Variants in CEMIP observed in about 807,000 individuals in gnomAD.
CEMIP encodes cell migration-inducing and hyaluronan-binding protein.
CEMIP carries 105 observed loss-of-function variants against 156.9 expected under a neutral mutation model. The observed-to-expected ratio is 0.67, with a 90% confidence interval of 0.57 to 0.79. The LOEUF is 0.79. Among genes scored for constraint, CEMIP ranks in the 30% least tolerant of loss-of-function variants. The pLI, the probability that CEMIP is intolerant of heterozygous loss-of-function variation, is 0.00. For missense variants in CEMIP, 1,457 were observed against 1,769.4 expected (o/e 0.82, Z 3.17); for synonymous variants, 676 against 668.4 (o/e 1.01, Z -0.17).
chr15:80,832,232 T>C (rs1391889295), intron 1 of CEMIP, among the ~76,000 whole-genome samples: 1 of 152,184 alleles, frequency 6.6e-6, no homozygotes, highest in African/African-American at 2.4e-5. Flanking sequence ...CAGCCATGGC[T>C]AAAAGTAATT....
At chr15:80,848,227 G>A (rs117453961) in intron 1 of CEMIP, among the ~76,000 whole-genome samples, 3,793 of 152,240 alleles carry the variant, frequency 0.025, 92 homozygotes, top group Middle Eastern at 0.089. Flanking sequence ...TCCACAAGCC[G>A]CATGGACTCC....
chr15:80,835,593 C>T (rs567227350), intron 1 of CEMIP, among the ~76,000 whole-genome samples: 1 of 152,360 alleles, frequency 6.6e-6, no homozygotes, highest in African/African-American at 2.4e-5. Context: ...GCCTGTCTTT[C>T]CGTAGTCTGC....
chr15:80,911,528 CA>C (rs1900051834), intron 14 of CEMIP, among the ~76,000 whole-genome samples: 1 of 118 alleles, frequency 8.5e-3, no homozygotes, highest in Non-Finnish European at 0.036. Flanking sequence ...GAAAATACAC[CA>C]CACACACACA....
At chr15:80,860,025 G>A (rs1353690074) in intron 1 of CEMIP, among the ~76,000 whole-genome samples, 7 of 151,894 alleles carry the variant, frequency 4.6e-5, no homozygotes, top group East Asian at 1.9e-4. Context: ...AGGCACACAC[G>A]CACACACACA....
At chr15:80,909,016 C>T in intron 13 of CEMIP, 81 bp from the exon 14 acceptor site, 2 of 1,297,412 alleles carry the variant, frequency 1.5e-6, no homozygotes, top group Non-Finnish European at 2.2e-6. Flanking sequence ...AATGCCTCTG[C>T]ATCTTTGGAA....
At chr15:80,877,298 T>G (rs565191674) in intron 3 of CEMIP, among the ~76,000 whole-genome samples, 1 of 152,286 alleles carries the variant, frequency 6.6e-6, no homozygotes, top group Non-Finnish European at 1.5e-5. Context: ...GACACCTTCT[T>G]TGCTCAAGAG....
intron 19 of CEMIP, among the ~76,000 whole-genome samples, chr15:80,927,397 AG>A (rs1265165230): frequency 1.3e-5 from 2 of 152,144 alleles, no homozygotes; most frequent in Non-Finnish European, 2.9e-5. Flanking sequence ...CATCCTTGGG[AG>A]GGGCACTACA....
intron 25 of CEMIP, chr15:80,938,235 A>G (rs1042574935): frequency 4.4e-6 from 2 of 456,634 alleles, no homozygotes; most frequent in Admixed American, 3.6e-5. Context: ...AGAAAAAAAA[A>G]AGTGAAGGCA....
At chr15:80,786,312 C>T (rs1016494510) in intron 1 of CEMIP, among the ~76,000 whole-genome samples, 5 of 152,276 alleles carry the variant, frequency 3.3e-5, no homozygotes, top group Middle Eastern at 6.8e-3. Context: ...ACACAGTTCC[C>T]TGCAGCCCCA....
chr15:80,833,051 C>T (rs1357322126), intron 1 of CEMIP, among the ~76,000 whole-genome samples: 5 of 152,096 alleles, frequency 3.3e-5, no homozygotes, highest in Admixed American at 2.0e-4. Flanking sequence ...TTTTTCTAAA[C>T]GACTCTTGGA....
At chr15:80,832,775 T>G (rs1897184265) in intron 1 of CEMIP, among the ~76,000 whole-genome samples, 1 of 152,234 alleles carries the variant, frequency 6.6e-6, no homozygotes, top group Admixed American at 6.5e-5. Flanking sequence ...CTCAGTGATT[T>G]TAAAGAACAG....
intron 28 of CEMIP, chr15:80,946,490 C>T (rs1173599367): frequency 5.7e-6 from 1 of 174,150 alleles, no homozygotes; most frequent in Non-Finnish European, 1.2e-5. Context: ...TATGATTTGA[C>T]AGATGCTCCC....
At chr15:80,883,196 T>C (rs1280870167) in intron 6 of CEMIP, among the ~76,000 whole-genome samples, 1 of 152,202 alleles carries the variant, frequency 6.6e-6, no homozygotes, top group Non-Finnish European at 1.5e-5. Flanking sequence ...ATTTCTACTG[T>C]AATTGCATAA....
At chr15:80,876,382 C>T (rs1353657960) in intron 3 of CEMIP, among the ~76,000 whole-genome samples, 2 of 152,228 alleles carry the variant, frequency 1.3e-5, no homozygotes, top group African/African-American at 2.4e-5. Context: ...CGACTCTGCT[C>T]TTACGTTAAA....
intron 1 of CEMIP, among the ~76,000 whole-genome samples, chr15:80,845,938 G>C (rs1461965374): frequency 6.6e-6 from 1 of 152,140 alleles, no homozygotes; most frequent in African/African-American, 2.4e-5. Context: ...GACTCCTCCT[G>C]ACACACCCAC....
At chr15:80,948,454 C>G (rs1901660484) in intron 29 of CEMIP, 2 of 373,100 alleles carry the variant, frequency 5.4e-6, no homozygotes, top group Admixed American at 3.7e-5. Flanking sequence ...CAGGGACTTG[C>G]TGGTTGTCCT....
chr15:80,865,284 C>T (rs1049819858), intron 1 of CEMIP, among the ~76,000 whole-genome samples: 8 of 152,214 alleles, frequency 5.3e-5, no homozygotes, highest in Admixed American at 4.6e-4. Context: ...CGGGTTCAAG[C>T]GATTTTCCTG....
rs779935139 is a variant in CEMIP at position 80,880,974 on chromosome 15, A to T, written c.455A>T (p.Glu152Val). 2 of 1,614,198 alleles carry T rather than the reference A, an allele frequency of 1.2e-6. No individual in the cohort carries two copies. The highest frequency in any genetic ancestry group is 2.2e-5 in the South Asian group (2 of 91,086). The part of the protein sequence containing the change: ...YIGVGKGGAL[E>V]LHGQKKLSWT... ...GGGGTTGGTAAAGGAGGCGCTCTTG[A>T]GTTGCATGGACAGAAAAAGCTCTCC... Residue 152 changes from glutamate (E) to valine (V), a missense_variant, in exon 6 of 30, where the codon GAG becomes GTG. By Grantham distance (121) the Glu-to-Val change is moderately radical. This residue lies in a region of CEMIP where 309 missense variants were observed against 340.8 expected (regional missense o/e 0.91). Transcript: ENST00000394685.
rs376929289 is a variant in CEMIP at position 80,936,663 on chromosome 15, G to A, written c.3010-11G>A. 609 of 1,609,436 alleles carry A rather than the reference G, an allele frequency of 3.8e-4. 1 individual carries two copies. Among genetic ancestry groups the A allele is most frequent in the Non-Finnish European group, 4.8e-4 (568 of 1,176,528 alleles). ...AGCCTCATTGTGTGTTTCCTTTTTG[G>A]GTTTTAAAAGATGTACATTCAAGCC... On this transcript the variant is annotated splice_polypyrimidine_tract_variant and intron_variant, in intron 23 of 29. Transcript: ENST00000394685.
Sources: gnomAD v4.1 joint callset for allele counts (sites outside exome capture counted in the v4.1 genomes callset) on GRCh38, gnomAD v4.1.1 for gene constraint, gnomAD v4.1.1 regional missense constraint, MANE v1.5 for transcripts, NCBI Gene and HGNC (gene_info 2026-07-23, HGNC 2026-07-21) for gene names.